DNAH3: variants seen among roughly 807,000 people sequenced by gnomAD.
DNAH3 encodes the protein dynein axonemal heavy chain 3.
A neutral mutation model predicts 432.5 loss-of-function variants in DNAH3; 332 were observed. That is an observed-to-expected ratio of 0.77 (90% CI 0.70 to 0.84). The LOEUF (loss-of-function observed/expected upper bound fraction) is 0.84, where lower values mean the gene tolerates loss of function less well. Ranked by LOEUF, DNAH3 falls within the 40% of genes least tolerant of loss-of-function variation. The pLI is 0.00. For synonymous variants in DNAH3, 1,956 were observed against 1,900.2 expected, an observed-to-expected ratio of 1.03 and a Z score of -0.76; for missense variants, 4,861 against 5,114.0, an observed-to-expected ratio of 0.95 and a Z score of 1.51.
exon 6 of DNAH3, chr16:21,136,324 C>T (rs763923535): frequency 3.8e-5 from 62 of 1,613,492 alleles, no homozygotes; most frequent in Non-Finnish European, 4.2e-5. Flanking sequence ...CCAGCCTTAC[C>T]GATGCTTTTC....
intron 21 of DNAH3, among the ~76,000 whole-genome samples, chr16:21,074,300 T>G (rs1567744703): frequency 6.6e-6 from 1 of 151,958 alleles, no homozygotes; most frequent in African/African-American, 2.4e-5. Flanking sequence ...AAACCAGGGG[T>G]GCCTGAAAAA....
chr16:21,147,518 C>T (rs1293191742), intron 1 of DNAH3, among the ~76,000 whole-genome samples: 1 of 152,204 alleles, frequency 6.6e-6, no homozygotes, highest in Non-Finnish European at 1.5e-5. Flanking sequence ...ACCAGGTGGA[C>T]TCTTGCATTT....
intron 42 of DNAH3, 134 bp downstream of exon 42, chr16:21,002,970 T>C (rs1426309970): frequency 1.5e-6 from 1 of 676,244 alleles, no homozygotes; most frequent in Non-Finnish European, 2.6e-6. Context: ...GAAGGTCCAC[T>C]GCAGCTCATG....
chr16:21,115,680 C>A (rs1001102163), intron 12 of DNAH3, among the ~76,000 whole-genome samples: 1 of 149,910 alleles, frequency 6.7e-6, no homozygotes, highest in Non-Finnish European at 1.5e-5. Flanking sequence ...ATACTCCAGC[C>A]TGGGTGACAG....
In DNAH3 at chr16:21,021,899, T is replaced by A. The variant is rs1597160998; in HGVS notation, c.5776+72A>T. On this transcript the variant is annotated intron_variant, in intron 40 of 61. Transcript: ENST00000261383. ...GCCTTGGTGACAGAGTGAGACTTCATCTCAAAAAAAAAAGAAATAGCCAAG... is the reference window on the plus strand; with the variant it reads ...GCCTTGGTGACAGAGTGAGACTTCAACTCAAAAAAAAAAGAAATAGCCAAG... 1.1e-5 allele frequency: 17 copies of A among 1,550,226 alleles called. No homozygotes were observed. In the East Asian group the frequency reaches 3.8e-4, roughly 35 times the overall value.
chr16:21,023,550 G>T (rs1187953983), intron 39 of DNAH3, among the ~76,000 whole-genome samples: 1 of 152,110 alleles, frequency 6.6e-6, no homozygotes, highest in African/African-American at 2.4e-5. Flanking sequence ...CCCAGGAAGA[G>T]GAATAAAAAG....
intron 41 of DNAH3, among the ~76,000 whole-genome samples, chr16:21,014,528 C>T (rs924266055): frequency 2.0e-5 from 3 of 152,186 alleles, no homozygotes; most frequent in Admixed American, 6.5e-5. Context: ...AGATGCTTTC[C>T]TCCTAAGACT....
chr16:21,022,165 T>C, intron 39 of DNAH3, 65 bp from the exon 40 acceptor site: 9 of 1,565,572 alleles, frequency 5.7e-6, no homozygotes, highest in Non-Finnish European at 7.9e-6. Flanking sequence ...GACCAAGAGC[T>C]TGGTCTACCT....
At chr16:21,120,762 G>A (rs771631592) in exon 11 of DNAH3, 14 of 1,613,802 alleles carry the variant, frequency 8.7e-6, no homozygotes, top group African/African-American at 6.7e-5. Flanking sequence ...TGGCAGCCGC[G>A]TGCATGCTGG....
At chr16:20,960,653 C>T (rs1393815322) in intron 53 of DNAH3, among the ~76,000 whole-genome samples, 1 of 152,058 alleles carries the variant, frequency 6.6e-6, no homozygotes, top group African/African-American at 2.4e-5. Flanking sequence ...TGCAGTGAGC[C>T]GAGATCACGC....
chr16:21,072,819 T>TTAA (rs1567742235), intron 21 of DNAH3, among the ~76,000 whole-genome samples: 1 of 144,842 alleles, frequency 6.9e-6, no homozygotes, highest in Non-Finnish European at 1.5e-5. Context: ...CAGCTAATTA[T>TTAA]TATTATTATT....
intron 53 of DNAH3, among the ~76,000 whole-genome samples, chr16:20,961,530 T>C (rs2084819676): frequency 6.6e-6 from 1 of 150,816 alleles, no homozygotes; most frequent in Non-Finnish European, 1.5e-5. Flanking sequence ...TAAAATAAAA[T>C]AAAATAAAAT....
intron 19 of DNAH3, among the ~76,000 whole-genome samples, chr16:21,085,494 C>CTCCA (rs1000154393): frequency 7.0e-6 from 1 of 143,028 alleles, no homozygotes; most frequent in African/African-American, 2.6e-5. Flanking sequence ...TGTCACTGCA[C>CTCCA]TCCAGCCTGG....
In DNAH3 at chr16:21,143,727, T is replaced by C. The variant is rs538988415; in HGVS notation, c.448+1454A>G. Among the ~76,000 whole-genome samples, 4 of 152,250 alleles carry C rather than the reference T, an allele frequency of 2.6e-5. No individual in the cohort carries two copies. In the South Asian group the frequency reaches 8.3e-4, roughly 32 times the overall value. ...CTAGAGACTGTGGGTGTGTATGTAATACACAAATAACACTGGTAAGAACCA... is the reference window on the plus strand; with the variant it reads ...CTAGAGACTGTGGGTGTGTATGTAACACACAAATAACACTGGTAAGAACCA... On this transcript the variant is annotated intron_variant, in intron 3 of 61. Transcript: ENST00000261383.
chr16:21,135,606 T>C (rs1206934578), intron 6 of DNAH3, among the ~76,000 whole-genome samples: 2 of 152,078 alleles, frequency 1.3e-5, no homozygotes, highest in Admixed American at 6.5e-5. Flanking sequence ...GGCAGGAGAA[T>C]TGCGTGAACC....
chr16:21,146,386 T>C (rs964188208), intron 1 of DNAH3, among the ~76,000 whole-genome samples: 4 of 152,096 alleles, frequency 2.6e-5, no homozygotes, highest in African/African-American at 9.7e-5. Context: ...TGAAACCCTG[T>C]CTCTACTAAA....
chr16:21,049,963 C>T (rs528864381), exon 30 of DNAH3: 1 of 1,614,220 alleles, frequency 6.2e-7, no homozygotes, highest in South Asian at 1.1e-5. Flanking sequence ...TTGCCAGTCC[C>T]AGCTGGACCC....
chr16:21,036,841 A>T (rs767183077), exon 35 of DNAH3: 1 of 1,608,670 alleles, frequency 6.2e-7, no homozygotes, highest in South Asian at 1.1e-5. Context: ...TAAATCAGAT[A>T]TAATTCCCTG....
At chr16:20,937,529 CTT>C (rs71377696) in intron 59 of DNAH3, among the ~76,000 whole-genome samples, 15 of 121,280 alleles carry the variant, frequency 1.2e-4, no homozygotes, top group Admixed American at 3.5e-4. Flanking sequence ...CAAAGTTGTT[CTT>C]TTTTTTTTTT....
Sources: allele counts gnomAD v4.1 joint callset (sites outside exome capture counted in the v4.1 genomes callset), GRCh38; gene constraint gnomAD v4.1.1; transcripts MANE v1.5; gene names NCBI Gene and HGNC (gene_info 2026-07-23, HGNC 2026-07-21).